Variants in TAMM41 observed in about 807,000 individuals in gnomAD.
TAMM41 encodes TAM41 mitochondrial translocator assembly and maintenance homolog, also known as phosphatidate cytidylyltransferase, mitochondrial.
In TAMM41, 36 loss-of-function variants were observed where a neutral mutation model predicts 44.1. The observed-to-expected ratio is 0.82, with a 90% confidence interval of 0.63 to 1.08. The LOEUF (loss-of-function observed/expected upper bound fraction) is 1.08, where lower values mean the gene tolerates loss of function less well. Among genes scored for constraint, TAMM41 ranks in the 50% least tolerant of loss-of-function variants. The pLI, the probability that TAMM41 is intolerant of heterozygous loss-of-function variation, is 0.00. For missense variants in TAMM41, 417 were observed against 404.3 expected (o/e 1.03, Z -0.27); for synonymous variants, 164 against 153.1 (o/e 1.07, Z -0.53).
intron 7 of TAMM41, chr3:11,807,157 G>T: frequency 7.6e-7 from 1 of 1,310,578 alleles, no homozygotes; most frequent in Non-Finnish European, 9.7e-7. Context: ...ACCCCCTAGA[G>T]GGGACAGCGA....
the TAMM41 span, among the ~76,000 whole-genome samples, chr3:11,775,789 G>A: frequency 6.6e-6 from 1 of 152,106 alleles, no homozygotes. Context: ...CATGCCTGCC[G>A]ATGTTTCAGT....
chr3:11,836,166 T>C (rs1418306508), intron 3 of TAMM41, among the ~76,000 whole-genome samples: 1 of 151,950 alleles, frequency 6.6e-6, no homozygotes, highest in Non-Finnish European at 1.5e-5. Flanking sequence ...AATTATTGTA[T>C]TTTTAGTAGA....
At chr3:11,813,977 CACACACCTGTGTAT>C (rs1379088866) in intron 5 of TAMM41, among the ~76,000 whole-genome samples, 1 of 139,722 alleles carries the variant, frequency 7.2e-6, no homozygotes, top group Non-Finnish European at 1.5e-5. Flanking sequence ...CACACATACA[CACACACCTGTGTAT>C]ACACACACAC....
rs972582394 is a variant in TAMM41, at chr3:11,839,248, A to G, written c.385T>C (p.Tyr129His). Reference protein sequence around the residue: ...IEDLLNWNNLYIAGRLQKPVK... With the variant: ...IEDLLNWNNLHIAGRLQKPVK... ...GGTTTTTGGAGTCGTCCAGCAATGT[A>G]TAAGTTATTCCAGTTGAGGAGATCT... The change falls in exon 3 of 8, where the codon TAC becomes CAC. Residue 129 changes from tyrosine to histidine, a missense_variant. Coordinates refer to ENST00000455809, the MANE Select transcript of TAMM41 (RefSeq NM_001284401.2). The G allele has an allele frequency of 4.3e-6, 7 of 1,613,582 alleles. No homozygotes were observed. Among genetic ancestry groups the G allele is most frequent in the African/African-American group, 1.3e-5 (1 of 74,918 alleles).
chr3:11,830,330 A>C (rs1205703414), intron 3 of TAMM41, among the ~76,000 whole-genome samples: 1 of 152,182 alleles, frequency 6.6e-6, no homozygotes, highest in East Asian at 1.9e-4. Context: ...AACTTGACTA[A>C]GGAAAAATGA....
At chr3:11,753,572 A>T in the TAMM41 span, among the ~76,000 whole-genome samples, 1 of 151,536 alleles carries the variant, frequency 6.6e-6, no homozygotes, top group African/African-American at 2.4e-5. Context: ...AAAATAAAAA[A>T]AAATAAAAAA....
chr3:11,770,931 A>G, the TAMM41 span, among the ~76,000 whole-genome samples: 7 of 152,134 alleles, frequency 4.6e-5, no homozygotes, highest in Non-Finnish European at 1.0e-4. Context: ...CTCGCAGACA[A>G]GTGGGTACAT....
intron 4 of TAMM41, among the ~76,000 whole-genome samples, chr3:11,819,967 C>A (rs192515131): frequency 3.9e-5 from 6 of 151,904 alleles, no homozygotes; most frequent in South Asian, 2.1e-4. Flanking sequence ...GACAACATGC[C>A]CCAGGTCCAA....
intron 7 of TAMM41, among the ~76,000 whole-genome samples, chr3:11,804,757 G>A (rs955038736): frequency 1.3e-5 from 2 of 152,090 alleles, no homozygotes; most frequent in Non-Finnish European, 2.9e-5. Flanking sequence ...ATCTTAACTG[G>A]AAATGCAAAG....
chr3:11,805,419 G>A (rs750713241), intron 7 of TAMM41, among the ~76,000 whole-genome samples: 25 of 152,222 alleles, frequency 1.6e-4, no homozygotes, highest in Non-Finnish European at 5.9e-5. Context: ...TTATAGGTGT[G>A]AGCCACCGCA....
the TAMM41 span, among the ~76,000 whole-genome samples, chr3:11,736,720 A>G: frequency 1.3e-5 from 2 of 149,464 alleles, no homozygotes; most frequent in Non-Finnish European, 2.9e-5. Flanking sequence ...TAATGCTGGC[A>G]TCCCTGGGAC....
chr3:11,823,399 G>T (rs1354754945), intron 4 of TAMM41, among the ~76,000 whole-genome samples: 1 of 151,148 alleles, frequency 6.6e-6, no homozygotes, highest in Non-Finnish European at 1.5e-5. Flanking sequence ...GGGATTACAG[G>T]TGCACACCAC....
the TAMM41 span, among the ~76,000 whole-genome samples, chr3:11,750,134 G>A: frequency 2.0e-5 from 3 of 152,062 alleles, no homozygotes; most frequent in Non-Finnish European, 4.4e-5. Context: ...CTGACCTCGT[G>A]ATCCGCCCGC....
In TAMM41 at chr3:11,839,232, A is replaced by T. The variant is rs1230268288; in HGVS notation, c.401T>A (p.Leu134His). The change falls in exon 3 of 8, where the codon CTC (leucine) becomes CAC (histidine). Residue 134 changes from leucine to histidine, a missense_variant. Coordinates refer to ENST00000455809, the MANE Select transcript of TAMM41 (RefSeq NM_001284401.2). The stretch of plus-strand genomic sequence containing the variant: ...CTATAAAACACTCACCGGTTTTTGG[A>T]GTCGTCCAGCAATGTATAAGTTATT... Reference protein sequence around the residue: ...NWNNLYIAGRLQKPVKIISVN... With the variant: ...NWNNLYIAGRHQKPVKIISVN... 6.2e-7 allele frequency: 1 copy of T among 1,611,850 alleles called. No individual in the cohort carries two copies. Among genetic ancestry groups the T allele is most frequent in the Non-Finnish European group, 8.5e-7 (1 of 1,178,494 alleles).
chr3:11,841,802 G>A (rs1228714450), intron 2 of TAMM41, among the ~76,000 whole-genome samples: 1 of 152,204 alleles, frequency 6.6e-6, no homozygotes, highest in East Asian at 1.9e-4. Flanking sequence ...GGAGGTAACA[G>A]AAACACCACG....
chr3:11,824,319 T>C (rs1315600311), intron 4 of TAMM41, among the ~76,000 whole-genome samples: 1 of 151,404 alleles, frequency 6.6e-6, no homozygotes, highest in East Asian at 1.9e-4. Flanking sequence ...GCCTCCCTAG[T>C]AGCTGGGACT....
chr3:11,782,998 C>T, the TAMM41 span, among the ~76,000 whole-genome samples: 7 of 152,216 alleles, frequency 4.6e-5, no homozygotes, highest in Non-Finnish European at 1.0e-4. Flanking sequence ...GAGTAAGGAT[C>T]CATGATTCAG....
the TAMM41 span, among the ~76,000 whole-genome samples, chr3:11,766,350 A>G: frequency 6.6e-6 from 1 of 151,754 alleles, no homozygotes; most frequent in Admixed American, 6.6e-5. Flanking sequence ...ATTTTTTTGT[A>G]GAGACGGGGG....
chr3:11,766,631 C>T, the TAMM41 span, among the ~76,000 whole-genome samples: 1 of 151,722 alleles, frequency 6.6e-6, no homozygotes, highest in African/African-American at 2.4e-5. Context: ...GTTGTGGGTA[C>T]AAATGGCTCA....
Sources: gnomAD v4.1 joint callset for allele counts (sites outside exome capture counted in the v4.1 genomes callset) on GRCh38, gnomAD v4.1.1 for gene constraint, MANE v1.5 for transcripts, NCBI Gene and HGNC (gene_info 2026-07-23, HGNC 2026-07-21) for gene names.